PBX3: variants seen among roughly 807,000 people sequenced by gnomAD.
The protein encoded by PBX3 is PBX homeobox 3.
PBX3 carries 14 observed loss-of-function variants against 48.5 expected under a neutral mutation model. The ratio of observed to expected loss-of-function variants is 0.29; its 90% CI spans 0.19 to 0.45. The LOEUF (loss-of-function observed/expected upper bound fraction) is 0.45. Ranked by LOEUF, PBX3 falls within the 20% of genes least tolerant of loss-of-function variation. The pLI, the probability that PBX3 is intolerant of heterozygous loss-of-function variation, is 1.00. For missense variants in PBX3, 386 were observed against 546.7 expected, an observed-to-expected ratio of 0.71 and a Z score of 2.93; for synonymous variants, 210 against 200.3, an observed-to-expected ratio of 1.05 and a Z score of -0.41.
chr9:125,780,446 CGGCTGGCCGGGCGGGG>C (rs1362291312), intron 2 of PBX3, among the ~76,000 whole-genome samples: 4 of 117,594 alleles, frequency 3.4e-5, no homozygotes, highest in African/African-American at 1.4e-4. Context: ...CCAGACGGGG[CGGCTGGCCGGGCGGGG>C]GGCTGACCCC....
At chr9:125,889,287 G>A (rs141610342) in intron 2 of PBX3, among the ~76,000 whole-genome samples, 1 of 152,346 alleles carries the variant, frequency 6.6e-6, no homozygotes, top group Non-Finnish European at 1.5e-5. Context: ...GTTGAAGGGC[G>A]TCTGCACACG....
intron 2 of PBX3, among the ~76,000 whole-genome samples, chr9:125,898,842 A>G (rs1207748873): frequency 1.3e-5 from 2 of 151,842 alleles, no homozygotes; most frequent in Non-Finnish European, 2.9e-5. Context: ...TATGAGTACA[A>G]TTTTTTAAAT....
intron 2 of PBX3, among the ~76,000 whole-genome samples, chr9:125,842,033 A>T (rs1184137450): frequency 6.6e-6 from 1 of 152,196 alleles, no homozygotes; most frequent in East Asian, 1.9e-4. Flanking sequence ...AGCATGGATT[A>T]TATTGTCTCT....
intron 2 of PBX3, among the ~76,000 whole-genome samples, chr9:125,898,782 A>T (rs972298810): frequency 2.6e-5 from 4 of 151,826 alleles, no homozygotes; most frequent in African/African-American, 9.7e-5. Flanking sequence ...GATATTCATG[A>T]TTGTTTTTAT....
intron 3 of PBX3, among the ~76,000 whole-genome samples, chr9:125,916,290 C>T (rs990475228): frequency 6.6e-6 from 1 of 152,164 alleles, no homozygotes; most frequent in African/African-American, 2.4e-5. Context: ...GCTTTAATCA[C>T]TTTTGAAGGG....
chr9:125,887,950 C>T (rs1319407439), intron 2 of PBX3, among the ~76,000 whole-genome samples: 1 of 152,088 alleles, frequency 6.6e-6, no homozygotes, highest in Non-Finnish European at 1.5e-5. Flanking sequence ...CTTGTGAATT[C>T]TCATTTCTTA....
chr9:125,915,658 C>T, intron 2 of PBX3, 28 bp from the exon 3 acceptor site: 2 of 1,562,276 alleles, frequency 1.3e-6, no homozygotes, highest in East Asian at 2.3e-5. Context: ...CTTCTTCTCT[C>T]TCTGTCTCTC....
chr9:125,872,411 T>C (rs190338680), intron 2 of PBX3, among the ~76,000 whole-genome samples: 1 of 152,160 alleles, frequency 6.6e-6, no homozygotes, highest in East Asian at 1.9e-4. Context: ...GAAAAGTTGA[T>C]GGTAAGATGA....
rs143966563 is a variant in PBX3, at chr9:125,964,005, C to T, written c.1212+904C>T. On this transcript the variant is annotated intron_variant, in intron 8 of 8. Transcript: ENST00000373489. ...AACCCACAACAAACCATATAAAAAG[C>T]CTTTTAGTTGCATTTCTCCTTTTTC... Among the ~76,000 whole-genome samples, 1,478 of 152,138 alleles carry T rather than the reference C, an allele frequency of 9.7e-3. 5 individuals carry two copies. The highest frequency in any genetic ancestry group is 0.014 in the Non-Finnish European group (928 of 67,996).
intron 2 of PBX3, among the ~76,000 whole-genome samples, chr9:125,830,476 T>C (rs1838927880): frequency 6.6e-6 from 1 of 152,146 alleles, no homozygotes; most frequent in Non-Finnish European, 1.5e-5. Context: ...AATAGAAAAG[T>C]ACTTATTTAT....
At chr9:125,826,696 A>G (rs561622793) in intron 2 of PBX3, among the ~76,000 whole-genome samples, 1 of 152,264 alleles carries the variant, frequency 6.6e-6, no homozygotes, top group South Asian at 2.1e-4. Context: ...TGATGACTTT[A>G]TTCAGAAGAG....
chr9:125,961,280 A>G (rs872525), intron 6 of PBX3, among the ~76,000 whole-genome samples: 95,912 of 152,086 alleles, frequency 0.63, 31,780 homozygotes, highest in East Asian at 0.77. Flanking sequence ...TCTGCCCAGC[A>G]CCGCTGTCCT....
intron 2 of PBX3, among the ~76,000 whole-genome samples, chr9:125,900,405 A>G (rs1364787523): frequency 6.6e-6 from 1 of 151,664 alleles, no homozygotes; most frequent in African/African-American, 2.4e-5. Context: ...CTACATTTGC[A>G]TCTTTTGCTT....
intron 1 of PBX3, 136 bp downstream of exon 1, chr9:125,747,789 C>T (rs1836237931): frequency 6.4e-6 from 4 of 622,166 alleles, no homozygotes; most frequent in Non-Finnish European, 7.6e-6. Flanking sequence ...CGGCCGCCCG[C>T]CCCGGCCTCG....
rs747564272 is a variant in PBX3 at position 125,967,140 on chromosome 9, T to G, written c.*1217T>G. The G allele has an allele frequency of 6.6e-6, 1 of 152,390 alleles. No homozygotes were observed. The highest frequency in any genetic ancestry group is 1.5e-5 in the Non-Finnish European group (1 of 68,004). The allele number at this position is 152,390 out of a possible 1,614,324, so 9.4% of individuals were successfully genotyped here. A position where few individuals can be genotyped will look rare whatever the true frequency, so the allele number is the denominator to read the frequency against. On this transcript the variant is annotated 3_prime_UTR_variant, in exon 9 of 9. Coordinates refer to ENST00000373489, the MANE Select transcript of PBX3 (RefSeq NM_006195.6). ...ATTGTGATGCATTCAGATTTCAGTA[T>G]TCAGTACTGTATATTTCACCCTGTG...
At chr9:125,789,388 C>G (rs1371474874) in intron 2 of PBX3, among the ~76,000 whole-genome samples, 3 of 152,194 alleles carry the variant, frequency 2.0e-5, no homozygotes, top group African/African-American at 2.4e-5. Context: ...CTGCAGTTAT[C>G]TTGAGAGTCA....
At chr9:125,780,389 C>T (rs1326417429) in intron 2 of PBX3, among the ~76,000 whole-genome samples, 22 of 119,838 alleles carry the variant, frequency 1.8e-4, no homozygotes, top group South Asian at 1.1e-3. Flanking sequence ...CCCTCCCAGA[C>T]GGGGCGGCTG....
rs546823169 is a variant in PBX3 at position 125,871,433 on chromosome 9, G to C, written c.275-44253G>C. Among the ~76,000 whole-genome samples the C allele has an allele frequency of 3.3e-5, 5 of 151,634 alleles. No homozygotes were observed. The East Asian group carries it at 9.7e-4, about 29-fold the overall frequency. On this transcript the variant is annotated intron_variant, in intron 2 of 8. Coordinates refer to ENST00000373489, the MANE Select transcript of PBX3 (RefSeq NM_006195.6). The stretch of plus-strand genomic sequence containing the variant: ...CCAGGTGTTCATGAATAATAAAATG[G>C]ACAACAATAATGAATAGGTCAACAA...
chr9:125,919,219 T>G (rs1841400621), intron 3 of PBX3, among the ~76,000 whole-genome samples: 1 of 147,538 alleles, frequency 6.8e-6, no homozygotes, highest in African/African-American at 2.5e-5. Flanking sequence ...CTTTTTAACT[T>G]TTTTTTTTTT....
Sources: allele counts gnomAD v4.1 joint callset (sites outside exome capture counted in the v4.1 genomes callset), GRCh38; gene constraint gnomAD v4.1.1; transcripts MANE v1.5; gene names NCBI Gene and HGNC (gene_info 2026-07-23, HGNC 2026-07-21).